The following SH3GL2 variants were observed in gnomAD, a reference collection of about 807,000 sequenced individuals.
SH3GL2 encodes the protein endophilin-A1.
Under a neutral mutation model 46.0 loss-of-function variants are expected in SH3GL2, and 24 were observed. That is an observed-to-expected ratio of 0.52 (90% CI 0.38 to 0.73). The LOEUF (loss-of-function observed/expected upper bound fraction) is 0.73, where lower values mean the gene tolerates loss of function less well. SH3GL2 is among the 30% of genes least tolerant of loss of function. The pLI is 0.00. For synonymous variants in SH3GL2, 196 were observed against 147.1 expected (o/e 1.33, Z -2.40); for missense variants, 413 against 424.2 (o/e 0.97, Z 0.23).
chr9:17,585,184 A>C (rs1818350364), intron 1 of SH3GL2, among the ~76,000 whole-genome samples: 2 of 152,130 alleles, frequency 1.3e-5, no homozygotes, highest in Admixed American at 1.3e-4. Flanking sequence ...TCTTCAGAGG[A>C]GTAGCTTGAG....
At chr9:17,607,317 G>A (rs1259015624) in intron 1 of SH3GL2, among the ~76,000 whole-genome samples, 1 of 152,166 alleles carries the variant, frequency 6.6e-6, no homozygotes, top group Non-Finnish European at 1.5e-5. Flanking sequence ...CACCATCATA[G>A]CATTTGTGTA....
intron 1 of SH3GL2, among the ~76,000 whole-genome samples, chr9:17,688,661 A>G (rs534123632): frequency 2.6e-5 from 4 of 152,000 alleles, no homozygotes; most frequent in Non-Finnish European, 5.9e-5. Flanking sequence ...AAAGAATAAA[A>G]ACTCCAGAGA....
chr9:17,788,692 T>C (rs115407698), intron 5 of SH3GL2, among the ~76,000 whole-genome samples: 2,105 of 152,246 alleles, frequency 0.014, 61 homozygotes, highest in African/African-American at 0.047. Context: ...GAGCATTAGA[T>C]ATAATCCCTT....
At chr9:17,655,381 C>T (rs945689019) in intron 1 of SH3GL2, among the ~76,000 whole-genome samples, 2 of 152,072 alleles carry the variant, frequency 1.3e-5, no homozygotes, top group African/African-American at 2.4e-5. Context: ...CTCTGGCTCC[C>T]CACCCCTGCC....
At chr9:17,786,567 T>C in intron 4 of SH3GL2, 43 bp downstream of exon 4, 2 of 1,591,318 alleles carry the variant, frequency 1.3e-6, no homozygotes, top group Non-Finnish European at 1.7e-6. Flanking sequence ...CATTTGTCCA[T>C]GGGGATTTTG....
chr9:17,707,005 C>A (rs1205346334), intron 1 of SH3GL2, among the ~76,000 whole-genome samples: 1 of 151,976 alleles, frequency 6.6e-6, no homozygotes, highest in Non-Finnish European at 1.5e-5. Flanking sequence ...ATGCACTTGA[C>A]ATATAAAGCC....
chr9:17,605,872 C>T (rs1242687816), intron 1 of SH3GL2, among the ~76,000 whole-genome samples: 1 of 152,082 alleles, frequency 6.6e-6, no homozygotes, highest in African/African-American at 2.4e-5. Flanking sequence ...GGATGCCTTC[C>T]TGTATGGGTG....
At chr9:17,698,202 T>A (rs961154062) in intron 1 of SH3GL2, among the ~76,000 whole-genome samples, 4 of 152,308 alleles carry the variant, frequency 2.6e-5, no homozygotes, top group Middle Eastern at 3.4e-3. Flanking sequence ...AGGCAGTCAC[T>A]TGTCACTTTG....
chr9:17,721,322 C>T (rs3780228), intron 1 of SH3GL2, among the ~76,000 whole-genome samples: 14 of 152,078 alleles, frequency 9.2e-5, no homozygotes, highest in Non-Finnish European at 7.4e-5. Flanking sequence ...AAAGTATAAA[C>T]GAACAAAAGG....
Position 17,595,280 on chromosome 9 carries a change from C to T in SH3GL2, c.45+15993C>T, listed in dbSNP as rs77808103. ...GCTCTTAGTGGTCACCAAGAAGACG[C>T]GAACACTTTAGTAGAAAAATAAGAC... On this transcript the variant is annotated intron_variant, in intron 1 of 8. Coordinates refer to ENST00000380607, the MANE Select transcript of SH3GL2 (RefSeq NM_003026.5). 2.0e-3 allele frequency among the ~76,000 whole-genome samples: 298 copies of T among 152,116 alleles called. 1 individual carries two copies. The highest frequency in any genetic ancestry group is 6.1e-3 in the African/African-American group (255 of 41,486).
chr9:17,767,046 T>C (rs1369823759), intron 3 of SH3GL2, among the ~76,000 whole-genome samples: 5 of 152,226 alleles, frequency 3.3e-5, no homozygotes, highest in African/African-American at 1.2e-4. Context: ...AGAGAGGCCT[T>C]TTCAGTTTGC....
At chr9:17,787,885 T>C in intron 5 of SH3GL2, among the ~76,000 whole-genome samples, 1 of 152,216 alleles carries the variant, frequency 6.6e-6, no homozygotes, top group Admixed American at 6.5e-5. Context: ...AGTTGTTAGC[T>C]TAAATAAATA....
chr9:17,693,034 T>G lies in SH3GL2; in HGVS notation c.46-54032T>G, dbSNP rs78985935. 6.0e-4 allele frequency among the ~76,000 whole-genome samples: 91 copies of G among 152,330 alleles called. No individual in the cohort carries two copies. In the East Asian group the frequency reaches 0.014, roughly 24 times the overall value. On this transcript the variant is annotated intron_variant, in intron 1 of 8. Coordinates refer to ENST00000380607, the MANE Select transcript of SH3GL2 (RefSeq NM_003026.5). Reference sequence around the variant, plus strand: ...CACAACACATGGGAATTCTGAGAGATAAATTCAAGTTGAGATTTGGATGGG... The same window carrying G: ...CACAACACATGGGAATTCTGAGAGAGAAATTCAAGTTGAGATTTGGATGGG...
At chr9:17,685,167 G>C (rs1820871107) in intron 1 of SH3GL2, among the ~76,000 whole-genome samples, 1 of 152,030 alleles carries the variant, frequency 6.6e-6, no homozygotes, top group East Asian at 1.9e-4. Context: ...ATATTTATGA[G>C]TGGATGGAAT....
chr9:17,770,806 C>T (rs1018840446), intron 3 of SH3GL2, among the ~76,000 whole-genome samples: 1 of 152,296 alleles, frequency 6.6e-6, no homozygotes, highest in South Asian at 2.1e-4. Context: ...CAACAGCCAG[C>T]GGGAAGCCAG....
chr9:17,617,619 G>C (rs1213995867), intron 1 of SH3GL2, among the ~76,000 whole-genome samples: 3 of 152,138 alleles, frequency 2.0e-5, no homozygotes, highest in Non-Finnish European at 2.9e-5. Context: ...AACATCTTTC[G>C]AGACAGTTTC....
At chr9:17,745,266 G>A (rs930178537) in intron 1 of SH3GL2, among the ~76,000 whole-genome samples, 3 of 152,094 alleles carry the variant, frequency 2.0e-5, no homozygotes, top group Non-Finnish European at 4.4e-5. Flanking sequence ...ATTGTATTAT[G>A]TCAAGGAAAA....
intron 1 of SH3GL2, among the ~76,000 whole-genome samples, chr9:17,728,622 C>A (rs1232240565): frequency 3.3e-5 from 5 of 151,988 alleles, no homozygotes; most frequent in Admixed American, 3.3e-4. Context: ...GCTATCCCTC[C>A]CCTTGCTCCC....
chr9:17,639,212 T>A (rs113291029), intron 1 of SH3GL2, among the ~76,000 whole-genome samples: 2,066 of 152,296 alleles, frequency 0.014, 44 homozygotes, highest in African/African-American at 0.047. Flanking sequence ...AAGTGGTAAA[T>A]TTTAATCAAA....
Sources: gnomAD v4.1 joint callset for allele counts (sites outside exome capture counted in the v4.1 genomes callset) on GRCh38, gnomAD v4.1.1 for gene constraint, MANE v1.5 for transcripts, NCBI Gene and HGNC (gene_info 2026-07-23, HGNC 2026-07-21) for gene names.